SLC44A5: variants seen among roughly 807,000 people sequenced by gnomAD.
SLC44A5 encodes the protein solute carrier family 44 member 5, also known as choline transporter-like protein 5.
Under a neutral mutation model 101.8 loss-of-function variants are expected in SLC44A5, and 57 were observed. The ratio of observed to expected loss-of-function variants is 0.56; its 90% CI spans 0.45 to 0.70. The LOEUF (loss-of-function observed/expected upper bound fraction) is 0.70. Ranked by LOEUF, SLC44A5 falls within the 30% of genes least tolerant of loss-of-function variation. The probability of loss-of-function intolerance (pLI) is 0.00; values close to 1 mark genes in which losing one functional copy is unlikely to be tolerated. For synonymous variants in SLC44A5, 281 were observed against 290.9 expected (o/e 0.97, Z 0.35); for missense variants, 737 against 853.1 (o/e 0.86, Z 1.70).
At chr1:75,657,435 G>C in the SLC44A5 span, among the ~76,000 whole-genome samples, 1 of 151,790 alleles carries the variant, frequency 6.6e-6, no homozygotes, top group Non-Finnish European at 1.5e-5. Context: ...TGTAGACCCA[G>C]CTACTAGGTA....
chr1:75,648,776 G>A, the SLC44A5 span, among the ~76,000 whole-genome samples: 1 of 140,244 alleles, frequency 7.1e-6, no homozygotes, highest in Non-Finnish European at 1.5e-5. Context: ...GGAAAAAAAA[G>A]GATTTTTTTG....
At chr1:75,314,000 T>C (rs1238945849) in intron 4 of SLC44A5, among the ~76,000 whole-genome samples, 1 of 152,216 alleles carries the variant, frequency 6.6e-6, no homozygotes, top group African/African-American at 2.4e-5. Flanking sequence ...TAGTAGCTTA[T>C]GTGCATGAGA....
At chr1:75,441,263 T>C (rs1665180206) in intron 2 of SLC44A5, among the ~76,000 whole-genome samples, 1 of 152,134 alleles carries the variant, frequency 6.6e-6, no homozygotes, top group African/African-American at 2.4e-5. Context: ...TAGACAAAAC[T>C]ATTCTGCCAT....
upstream of SLC44A5, among the ~76,000 whole-genome samples, chr1:75,615,017 C>T (rs149231943): frequency 6.6e-6 from 1 of 152,274 alleles, no homozygotes; most frequent in African/African-American, 2.4e-5. Context: ...AGGCAAGACG[C>T]AGCCCAGGAG....
the SLC44A5 span, among the ~76,000 whole-genome samples, chr1:75,665,063 G>A: frequency 4.6e-5 from 7 of 151,778 alleles, no homozygotes; most frequent in South Asian, 2.1e-4. Context: ...ATGCTATTTC[G>A]ATCAAGCTAC....
chr1:75,258,512 A>C (rs1650209832), intron 6 of SLC44A5, among the ~76,000 whole-genome samples: 1 of 152,104 alleles, frequency 6.6e-6, no homozygotes, highest in Non-Finnish European at 1.5e-5. Context: ...TCTGAAAAAA[A>C]GGCAGCAGCC....
At chr1:75,670,400 G>T in the SLC44A5 span, among the ~76,000 whole-genome samples, 2 of 152,022 alleles carry the variant, frequency 1.3e-5, no homozygotes, top group South Asian at 4.1e-4. Context: ...AACACAAAAT[G>T]AAATTACATA....
In SLC44A5 at chr1:75,222,472, A is replaced by G; in HGVS notation, c.986-12T>C. 1.5e-6 allele frequency: 2 copies of G among 1,322,622 alleles called. No individual in the cohort carries two copies. Among genetic ancestry groups the G allele is most frequent in the Non-Finnish European group, 2.1e-6 (2 of 950,548 alleles). The allele number at this position is 1,322,622 out of a possible 1,614,324, so 81.9% of individuals were successfully genotyped here. A position where few individuals can be genotyped will look rare whatever the true frequency, so the allele number is the denominator to read the frequency against. On this transcript the variant is annotated splice_polypyrimidine_tract_variant and intron_variant, in intron 13 of 23. Transcript: ENST00000370859. ...GCAGAGTATTATCACTTTGAACAGG[A>G]AAAAAAAAATCAGTCTGTAATACAA...
At chr1:75,267,185 T>C (rs1416828143) in intron 6 of SLC44A5, among the ~76,000 whole-genome samples, 1 of 152,174 alleles carries the variant, frequency 6.6e-6, no homozygotes, top group African/African-American at 2.4e-5. Flanking sequence ...TTCTCCTACA[T>C]GACTGTTCTC....
At chr1:75,629,224 A>G in the SLC44A5 span, among the ~76,000 whole-genome samples, 10 of 152,092 alleles carry the variant, frequency 6.6e-5, no homozygotes, top group Admixed American at 5.9e-4. Flanking sequence ...CCAGAAGATA[A>G]GAGAGAGGAG....
the SLC44A5 span, among the ~76,000 whole-genome samples, chr1:75,709,729 A>C: frequency 5.9e-5 from 9 of 152,202 alleles, no homozygotes; most frequent in South Asian, 1.9e-3. Flanking sequence ...GTCTTGCTAG[A>C]GGCACGCCTA....
chr1:75,309,235 G>A (rs999090155), intron 4 of SLC44A5, among the ~76,000 whole-genome samples: 3 of 152,124 alleles, frequency 2.0e-5, no homozygotes, highest in African/African-American at 7.2e-5. Context: ...CTTAAAGCTA[G>A]GAGTTTGAAA....
At chr1:75,218,060 A>T in intron 17 of SLC44A5, 100 bp from the exon 18 acceptor site, 1 of 779,128 alleles carries the variant, frequency 1.3e-6, no homozygotes, top group Admixed American at 2.6e-5. Context: ...CTGCAGAAGG[A>T]TTAACAGCAA....
At chr1:75,619,057 C>T in the SLC44A5 span, among the ~76,000 whole-genome samples, 31 of 104,086 alleles carry the variant, frequency 3.0e-4, 1 homozygote, top group African/African-American at 1.0e-3. Context: ...GCAACAAGAG[C>T]GAAACTCTGT....
chr1:75,254,332 C>G (rs531884556), intron 6 of SLC44A5, among the ~76,000 whole-genome samples: 2 of 152,244 alleles, frequency 1.3e-5, no homozygotes, highest in East Asian at 3.9e-4. Flanking sequence ...TGCCAGCGCA[C>G]CCGGCCAGAC....
In SLC44A5 at chr1:75,219,256, C is replaced by A. The variant is rs999677680; in HGVS notation, c.1266+1G>T. ...TAAATGAAAGAGTTTCTTGTACTTACCTCTGGGTCACAGGTTTGATTTTCA... is the reference window on the plus strand; with the variant it reads ...TAAATGAAAGAGTTTCTTGTACTTAACTCTGGGTCACAGGTTTGATTTTCA... On this transcript the variant is annotated splice_donor_variant, in intron 16 of 23. Coordinates refer to ENST00000370859, the MANE Select transcript of SLC44A5 (RefSeq NM_001130058.2). LOFTEE classifies it high-confidence loss of function. The A allele has an allele frequency of 6.3e-7, 1 of 1,598,802 alleles. No homozygotes were observed. Among genetic ancestry groups the A allele is most frequent in the East Asian group, 2.2e-5 (1 of 44,722 alleles).
the SLC44A5 span, among the ~76,000 whole-genome samples, chr1:75,649,574 A>T: frequency 6.6e-6 from 1 of 152,292 alleles, no homozygotes. Flanking sequence ...AGGTCTATTA[A>T]ATAGACTAAT....
chr1:75,564,603 T>TTTTATTTATTCATTTA (rs1672691898), intron 1 of SLC44A5, among the ~76,000 whole-genome samples: 1 of 138,042 alleles, frequency 7.2e-6, no homozygotes, highest in African/African-American at 2.7e-5. Context: ...TTTTTTTAAT[T>TTTTATTTATTCATTTA]TTTATTTATT....
At chr1:75,522,528 C>A (rs1179507387) in intron 2 of SLC44A5, among the ~76,000 whole-genome samples, 1 of 151,924 alleles carries the variant, frequency 6.6e-6, no homozygotes, top group Non-Finnish European at 1.5e-5. Context: ...TTTCCCACCC[C>A]CTCATCTCTC....
Sources: gnomAD v4.1 joint callset for allele counts (sites outside exome capture counted in the v4.1 genomes callset) on GRCh38, gnomAD v4.1.1 for gene constraint, MANE v1.5 for transcripts, NCBI Gene and HGNC (gene_info 2026-07-23, HGNC 2026-07-21) for gene names.